GUCY1B1: variants seen among roughly 807,000 people sequenced by gnomAD.
The protein encoded by GUCY1B1 is guanylate cyclase 1 soluble subunit beta 1.
GUCY1B1 carries 43 observed loss-of-function variants against 71.0 expected under a neutral mutation model. The ratio of observed to expected loss-of-function variants is 0.61; its 90% CI spans 0.47 to 0.78. GUCY1B1 has a LOEUF of 0.78. Among genes scored for constraint, GUCY1B1 ranks in the 30% least tolerant of loss-of-function variants. The probability of loss-of-function intolerance (pLI) is 0.00; values close to 1 mark genes in which losing one functional copy is unlikely to be tolerated. For synonymous variants in GUCY1B1, 266 were observed against 259.7 expected, an observed-to-expected ratio of 1.02 and a Z score of -0.23; for missense variants, 535 against 754.1, an observed-to-expected ratio of 0.71 and a Z score of 3.40.
intron 8 of GUCY1B1, among the ~76,000 whole-genome samples, chr4:155,799,245 G>A (rs1739777750): frequency 6.6e-6 from 1 of 152,040 alleles, no homozygotes; most frequent in Admixed American, 6.6e-5. Flanking sequence ...CAATGATGAC[G>A]CATAAAATTC....
Position 155,802,404 on chromosome 4 carries a change from C to T in GUCY1B1, c.1238C>T (p.Pro413Leu), listed in dbSNP as rs1040834095. The change falls in exon 10 of 14, where the codon CCT (proline) becomes CTT (leucine). Residue 413 changes from proline (P) to leucine (L), a missense_variant. Pro to Leu is a moderately conservative substitution (Grantham distance 98). Transcript: ENST00000264424. This position sits in a 1 kb window ranked among gnomAD's most constrained non-coding sequence, Gnocchi z 4.3. ...GAGCTGCGGCACAAGCGTCCAGTGCCTGCCAAAAGATATGACAATGTGACC... is the reference window on the plus strand; with the variant it reads ...GAGCTGCGGCACAAGCGTCCAGTGCTTGCCAAAAGATATGACAATGTGACC... ...ANELRHKRPV[P>L]AKRYDNVTIL... is the part of the protein sequence containing the mutation. 6 of 1,613,680 alleles carry T rather than the reference C, an allele frequency of 3.7e-6. No homozygotes were observed. Among genetic ancestry groups the T allele is most frequent in the Non-Finnish European group, 5.1e-6 (6 of 1,179,762 alleles).
chr4:155,791,183 C>G (rs982813577), intron 5 of GUCY1B1, among the ~76,000 whole-genome samples: 28 of 151,058 alleles, frequency 1.9e-4, no homozygotes, highest in East Asian at 6.0e-4. Context: ...GGCGCGATCT[C>G]CGCTCACTGC....
intron 5 of GUCY1B1, among the ~76,000 whole-genome samples, chr4:155,790,340 A>G (rs1739072195): frequency 6.6e-6 from 1 of 152,216 alleles, no homozygotes; most frequent in Admixed American, 6.5e-5. Flanking sequence ...CCCGAAATAT[A>G]GTTGGAATGT....
rs1740226476 is a variant in GUCY1B1, at chr4:155,805,101, AG to A, written c.1710-1del. On this transcript the variant is annotated splice_acceptor_variant, in intron 12 of 13. Coordinates refer to ENST00000264424, the MANE Select transcript of GUCY1B1 (RefSeq NM_000857.5). LOFTEE classifies it high-confidence loss of function. ...CTCTACTCCCCTTCCCTTGTCTTTTAGATGTCTTATGTCTCCAGAAAATTCA... is the reference window on the plus strand; with the variant it reads ...CTCTACTCCCCTTCCCTTGTCTTTTAATGTCTTATGTCTCCAGAAAATTCA... The A allele has an allele frequency of 6.2e-7, 1 of 1,610,550 alleles. No individual in the cohort carries two copies. The highest frequency in any genetic ancestry group is 1.1e-5 in the South Asian group (1 of 90,904).
At chr4:155,785,606 A>C (rs1738711131) in intron 4 of GUCY1B1, among the ~76,000 whole-genome samples, 1 of 152,150 alleles carries the variant, frequency 6.6e-6, no homozygotes, top group African/African-American at 2.4e-5. Flanking sequence ...AAAAAAAAAA[A>C]ATTGTAGCCT....
chr4:155,792,165 G>A (rs1234722609), intron 5 of GUCY1B1, among the ~76,000 whole-genome samples: 2 of 151,936 alleles, frequency 1.3e-5, no homozygotes, highest in Non-Finnish European at 2.9e-5. Context: ...CTCACATTAA[G>A]TTTATCAGGT....
intron 4 of GUCY1B1, among the ~76,000 whole-genome samples, chr4:155,780,982 A>T (rs1738379445): frequency 1.3e-5 from 2 of 152,186 alleles, no homozygotes; most frequent in Non-Finnish European, 2.9e-5. Context: ...GCCTTAGCTG[A>T]GCAACTCTGA....
intron 2 of GUCY1B1, chr4:155,772,848 G>T: frequency 1.4e-6 from 1 of 698,024 alleles, no homozygotes; most frequent in South Asian, 1.5e-5. Context: ...AAAAAGTTAT[G>T]AATAAATGCA....
Position 155,805,092 on chromosome 4 carries a change from T to A in GUCY1B1, c.1710-11T>A, listed in dbSNP as rs1740225462. On this transcript the variant is annotated splice_polypyrimidine_tract_variant and intron_variant, in intron 12 of 13. Transcript: ENST00000264424. Reference sequence around the variant, plus strand: ...TACTTCTCTCTCTACTCCCCTTCCCTTGTCTTTTAGATGTCTTATGTCTCC... The same window carrying A: ...TACTTCTCTCTCTACTCCCCTTCCCATGTCTTTTAGATGTCTTATGTCTCC... The A allele has an allele frequency of 6.2e-7, 1 of 1,609,238 alleles. No homozygotes were observed. The highest frequency in any genetic ancestry group is 8.5e-7 in the Non-Finnish European group (1 of 1,176,508).
chr4:155,759,267 G>A, intron 1 of GUCY1B1, 124 bp downstream of exon 1: 5 of 960,054 alleles, frequency 5.2e-6, no homozygotes, highest in Non-Finnish European at 7.8e-6. Flanking sequence ...CCGGCCACGG[G>A]AGCAGCCTCA....
rs546371433 is a variant in GUCY1B1 at position 155,786,209 on chromosome 4, A to C, written c.298-3505A>C. Among the ~76,000 whole-genome samples, 96 of 152,064 alleles carry C rather than the reference A, an allele frequency of 6.3e-4. 1 individual carries two copies. In the South Asian group the frequency reaches 0.016, roughly 25 times the overall value. ...TGGTACATTGATTTATGAAATATGT[A>C]AGCATTCTGTATAGAAAAAATATTA... On this transcript the variant is annotated intron_variant, in intron 4 of 13. Transcript: ENST00000264424.
At chr4:155,791,756 AT>A (rs1399500524) in intron 5 of GUCY1B1, among the ~76,000 whole-genome samples, 27 of 138,672 alleles carry the variant, frequency 1.9e-4, no homozygotes, top group South Asian at 8.0e-4. Context: ...AAAAAAAAAA[AT>A]AAAGCAAAAC....
intron 2 of GUCY1B1, among the ~76,000 whole-genome samples, chr4:155,766,019 T>C (rs1737309894): frequency 6.6e-6 from 1 of 152,178 alleles, no homozygotes; most frequent in South Asian, 2.1e-4. Context: ...CTATCCTCCA[T>C]GACAATAGCC....
At chr4:155,798,330 C>T (rs1451307759) in intron 8 of GUCY1B1, among the ~76,000 whole-genome samples, 16 of 152,158 alleles carry the variant, frequency 1.1e-4, no homozygotes, top group Admixed American at 9.8e-4. Flanking sequence ...ACCACGAGAC[C>T]GTTATGATTT....
rs955438125 is a variant in GUCY1B1, at chr4:155,759,997, G to T, written c.77+137G>T. 3.1e-5 allele frequency: 19 copies of T among 612,450 alleles called. 1 individual carries two copies. Among genetic ancestry groups the T allele is most frequent in the Middle Eastern group, 4.4e-4 (1 of 2,252 alleles). The allele number at this position is 612,450 out of a possible 1,614,324, so 37.9% of individuals were successfully genotyped here. A position where few individuals can be genotyped will look rare whatever the true frequency, so the allele number is the denominator to read the frequency against. Reference sequence around the variant, plus strand: ...GAGGTGCCTCCGCGCCTCGCTCCCGGCTCGCTGCAGCTGCGCTCCCACGCT... The same window carrying T: ...GAGGTGCCTCCGCGCCTCGCTCCCGTCTCGCTGCAGCTGCGCTCCCACGCT... On this transcript the variant is annotated intron_variant, in intron 2 of 13. Transcript: ENST00000264424.
At chr4:155,799,754 T>C in intron 8 of GUCY1B1, 123 bp from the exon 9 acceptor site, 2 of 551,598 alleles carry the variant, frequency 3.6e-6, no homozygotes, top group South Asian at 3.0e-5. Flanking sequence ...ATAATTCTAT[T>C]GTCTTCAGCC....
Position 155,789,826 on chromosome 4 carries a change from CAGAGAGAG to C in GUCY1B1, c.412_419del (p.Glu138ArgfsTer21). 1 of 1,611,280 alleles carries C rather than the reference CAGAGAGAG, an allele frequency of 6.2e-7. No homozygotes were observed. Reference sequence around the variant, plus strand: ...AAAGGACTCATTTTGCACTACTACTCAGAGAGAGAAGGACTTCAGGATATTGTCATTGG... The same window carrying C: ...AAAGGACTCATTTTGCACTACTACTCAAGGACTTCAGGATATTGTCATTGG... On this transcript the variant is annotated frameshift_variant, in exon 5 of 14. Coordinates refer to ENST00000264424, the MANE Select transcript of GUCY1B1 (RefSeq NM_000857.5). LOFTEE classifies it high-confidence loss of function.
intron 2 of GUCY1B1, among the ~76,000 whole-genome samples, chr4:155,760,171 G>A (rs1044092899): frequency 6.6e-6 from 1 of 152,126 alleles, no homozygotes; most frequent in African/African-American, 2.4e-5. Context: ...CAGCAGGCCG[G>A]GCAGCTCCCA....
chr4:155,774,903 A>G (rs576718552), intron 2 of GUCY1B1, 65 bp from the exon 3 acceptor site: 1 of 884,448 alleles, frequency 1.1e-6, no homozygotes, highest in East Asian at 2.4e-5. Context: ...CAATTATTAT[A>G]CTTATAGTAG....
Sources: allele counts gnomAD v4.1 joint callset (sites outside exome capture counted in the v4.1 genomes callset), GRCh38; gene constraint gnomAD v4.1.1; non-coding constraint Gnocchi (gnomAD v3.1); transcripts MANE v1.5; gene names NCBI Gene and HGNC (gene_info 2026-07-23, HGNC 2026-07-21).